The following DLGAP1 variants were observed in gnomAD, a reference collection of about 807,000 sequenced individuals.
DLGAP1 encodes the protein disks large-associated protein 1.
In DLGAP1, 11 loss-of-function variants were observed where a neutral mutation model predicts 90.8. The ratio of observed to expected loss-of-function variants is 0.12; its 90% confidence interval spans 0.08 to 0.20. DLGAP1 has a LOEUF of 0.20. Among genes scored for constraint, DLGAP1 ranks in the 10% least tolerant of loss-of-function variants. The pLI is 1.00. For missense variants in DLGAP1, 1,050 were observed against 1,333.8 expected, an observed-to-expected ratio of 0.79 and a Z score of 3.31; for synonymous variants, 558 against 540.7, an observed-to-expected ratio of 1.03 and a Z score of -0.44.
chr18:4,279,796 A>G (rs1281847356), intron 1 of DLGAP1, among the ~76,000 whole-genome samples: 1 of 152,208 alleles, frequency 6.6e-6, no homozygotes, highest in Non-Finnish European at 1.5e-5. Flanking sequence ...ACTTAAGCAT[A>G]TCATCTCAAT....
chr18:3,656,102 G>A, intron 7 of DLGAP1: 1 of 1,546,006 alleles, frequency 6.5e-7, no homozygotes, highest in Non-Finnish European at 8.7e-7. Context: ...GCAGAACTCA[G>A]TTTTATGACA....
intron 7 of DLGAP1, among the ~76,000 whole-genome samples, chr18:3,631,369 A>T (rs148675994): frequency 6.6e-6 from 1 of 152,246 alleles, no homozygotes; most frequent in East Asian, 1.9e-4. Flanking sequence ...AATACCCTTA[A>T]CCTTTTCTTA....
chr18:4,049,912 G>GTCCATCCATCCA lies in DLGAP1; in HGVS notation c.-158-44723_-158-44712dup, dbSNP rs57986910. On this transcript the variant is annotated intron_variant, in intron 2 of 12. Transcript: ENST00000315677. Reference sequence around the variant, plus strand: ...TATCTACCTATGTATCCATCCAACGGTCCATCCATCCATCCATCCATCCAT... The same window carrying GTCCATCCATCCA: ...TATCTACCTATGTATCCATCCAACGGTCCATCCATCCATCCATCCATCCATCCATCCATCCAT... Among the ~76,000 whole-genome samples the GTCCATCCATCCA allele has an allele frequency of 2.8e-3, 419 of 148,812 alleles. 1 individual carries two copies. The highest frequency in any genetic ancestry group is 3.5e-3 in the Non-Finnish European group (236 of 67,150).
At chr18:4,218,456 T>A (rs1050279946) in intron 1 of DLGAP1, among the ~76,000 whole-genome samples, 11 of 151,982 alleles carry the variant, frequency 7.2e-5, no homozygotes, top group Non-Finnish European at 1.5e-4. Context: ...ATAACTTATC[T>A]TTTTTTGTGA....
In DLGAP1 at chr18:3,966,377, C is replaced by T. The variant is rs190006482; in HGVS notation, c.-73+38739G>A. On this transcript the variant is annotated intron_variant, in intron 3 of 12. Coordinates refer to ENST00000315677, the MANE Select transcript of DLGAP1 (RefSeq NM_004746.4). ...GGAAGGCTTTAGCAGGTTTTAACCA[C>T]GGAACTGTTATGATCTAATTCACCC... Among the ~76,000 whole-genome samples the T allele has an allele frequency of 5.3e-5, 8 of 152,110 alleles. No homozygotes were observed. The South Asian group carries it at 6.2e-4, about 12-fold the overall frequency.
intron 10 of DLGAP1, among the ~76,000 whole-genome samples, chr18:3,532,343 G>A (rs780031698): frequency 6.6e-6 from 1 of 151,874 alleles, no homozygotes; most frequent in South Asian, 2.1e-4. Context: ...ACTTTGGGAG[G>A]CCGAGGCGGG....
intron 1 of DLGAP1, among the ~76,000 whole-genome samples, chr18:4,272,755 A>T (rs1385601904): frequency 2.6e-5 from 4 of 152,222 alleles, no homozygotes; most frequent in African/African-American, 7.2e-5. Context: ...TATATGTTCA[A>T]GTGCTAACCC....
chr18:4,113,523 T>C (rs2076009751), intron 2 of DLGAP1, among the ~76,000 whole-genome samples: 1 of 152,186 alleles, frequency 6.6e-6, no homozygotes, highest in African/African-American at 2.4e-5. Context: ...TATTAGACCT[T>C]TGTCATATGC....
chr18:4,210,324 T>C lies in DLGAP1; in HGVS notation c.-266-59037A>G, dbSNP rs1163963040. On this transcript the variant is annotated intron_variant, in intron 1 of 12. Transcript: ENST00000315677. ...AATGAATACATGAATGGAAGAGGCA[T>C]TATATAATAATCAGAAATATTAAGT... Among the ~76,000 whole-genome samples the C allele has an allele frequency of 2.0e-5, 3 of 152,254 alleles. No homozygotes were observed. The East Asian group carries it at 5.8e-4, about 29-fold the overall frequency.
At chr18:3,598,933 C>T (rs2056750931) in intron 7 of DLGAP1, among the ~76,000 whole-genome samples, 2 of 151,902 alleles carry the variant, frequency 1.3e-5, no homozygotes, top group South Asian at 2.1e-4. Flanking sequence ...CCACCACACC[C>T]GGCTAATGTT....
At chr18:4,292,590 C>T (rs1037414864) in intron 1 of DLGAP1, among the ~76,000 whole-genome samples, 3 of 152,032 alleles carry the variant, frequency 2.0e-5, no homozygotes, top group Non-Finnish European at 2.9e-5. Flanking sequence ...TTATCTATTA[C>T]AAAGATTGCT....
chr18:4,288,066 A>ATTT (rs55993727), intron 1 of DLGAP1, among the ~76,000 whole-genome samples: 87 of 151,466 alleles, frequency 5.7e-4, no homozygotes, highest in African/African-American at 1.3e-3. Flanking sequence ...AGCTTGACAA[A>ATTT]TTTTTTATTA....
At chr18:3,539,484 C>T (rs1420797938) in intron 9 of DLGAP1, among the ~76,000 whole-genome samples, 2 of 152,216 alleles carry the variant, frequency 1.3e-5, no homozygotes, top group Non-Finnish European at 2.9e-5. Context: ...GTATGGAACA[C>T]AATACTCTGT....
intron 7 of DLGAP1, among the ~76,000 whole-genome samples, chr18:3,612,012 G>A (rs1163821048): frequency 6.6e-6 from 1 of 152,210 alleles, no homozygotes; most frequent in Non-Finnish European, 1.5e-5. Context: ...CATTACTAAA[G>A]CGCTATCAAA....
intron 4 of DLGAP1, among the ~76,000 whole-genome samples, chr18:3,858,477 C>T (rs1485694738): frequency 1.4e-5 from 2 of 147,264 alleles, no homozygotes; most frequent in African/African-American, 5.0e-5. Context: ...AAAAGGGAAA[C>T]ATATATATAT....
At chr18:3,812,446 C>T (rs2066891706) in intron 5 of DLGAP1, among the ~76,000 whole-genome samples, 1 of 151,592 alleles carries the variant, frequency 6.6e-6, no homozygotes, top group African/African-American at 2.4e-5. Flanking sequence ...ATATTGAAGT[C>T]CTAACTCCTA....
chr18:4,181,663 C>T (rs1279697915), intron 1 of DLGAP1, among the ~76,000 whole-genome samples: 2 of 152,104 alleles, frequency 1.3e-5, no homozygotes, highest in African/African-American at 4.8e-5. Flanking sequence ...AATTTCTTTC[C>T]TTTATTGTTC....
At chr18:4,287,639 A>G (rs1449374495) in intron 1 of DLGAP1, among the ~76,000 whole-genome samples, 1 of 152,246 alleles carries the variant, frequency 6.6e-6, no homozygotes, top group East Asian at 1.9e-4. Context: ...TGGGAGTTGA[A>G]CAATGAGAAC....
At chr18:3,769,285 T>C (rs1206612827) in intron 5 of DLGAP1, among the ~76,000 whole-genome samples, 1 of 152,210 alleles carries the variant, frequency 6.6e-6, no homozygotes, top group Non-Finnish European at 1.5e-5. Flanking sequence ...GGATCATTCA[T>C]ACATTGCTGG....
Sources: allele counts gnomAD v4.1 joint callset (sites outside exome capture counted in the v4.1 genomes callset), GRCh38; gene constraint gnomAD v4.1.1; transcripts MANE v1.5; gene names NCBI Gene and HGNC (gene_info 2026-07-23, HGNC 2026-07-21).